The following PACS1 variants were observed in gnomAD, a reference collection of about 807,000 sequenced individuals.
PACS1 encodes the protein PACS-1.
PACS1 carries 24 observed loss-of-function variants against 115.0 expected under a neutral mutation model. The observed-to-expected ratio is 0.21, with a 90% CI of 0.15 to 0.29. The LOEUF (loss-of-function observed/expected upper bound fraction) is 0.29. Ranked by LOEUF, PACS1 falls within the 10% of genes least tolerant of loss-of-function variation. The pLI, the probability that PACS1 is intolerant of heterozygous loss-of-function variation, is 1.00. For missense variants in PACS1, 838 were observed against 1,251.2 expected, an observed-to-expected ratio of 0.67 and a Z score of 4.98; for synonymous variants, 453 against 504.5, an observed-to-expected ratio of 0.90 and a Z score of 1.37.
intron 1 of PACS1, among the ~76,000 whole-genome samples, chr11:66,083,633 TA>T (rs1400776200): frequency 6.6e-6 from 1 of 152,222 alleles, no homozygotes; most frequent in Non-Finnish European, 1.5e-5. Context: ...GCCACACTGA[TA>T]AATGAATGCC....
chr11:66,181,159 T>C (rs1356679624), intron 1 of PACS1, among the ~76,000 whole-genome samples: 2 of 151,860 alleles, frequency 1.3e-5, no homozygotes, highest in Non-Finnish European at 2.9e-5. Flanking sequence ...TTTTAAATTA[T>C]GTTAAGGAAG....
At chr11:66,093,547 A>G (rs1343839907) in intron 1 of PACS1, among the ~76,000 whole-genome samples, 1 of 144,762 alleles carries the variant, frequency 6.9e-6, no homozygotes, top group African/African-American at 2.6e-5. Context: ...TTCATAAAGC[A>G]AGTCCTGAGT....
intron 2 of PACS1, among the ~76,000 whole-genome samples, chr11:66,204,785 A>G (rs1174007066): frequency 1.3e-5 from 2 of 152,120 alleles, no homozygotes; most frequent in Admixed American, 6.5e-5. Flanking sequence ...TGGTTACCAC[A>G]GGCTCATATG....
At chr11:66,218,999 A>G (rs1292471864) in intron 7 of PACS1, among the ~76,000 whole-genome samples, 1 of 152,104 alleles carries the variant, frequency 6.6e-6, no homozygotes, top group Non-Finnish European at 1.5e-5. Context: ...GGCTTCGGAC[A>G]CGTACAGGCC....
At chr11:66,191,458 A>C (rs1282131826) in intron 1 of PACS1, among the ~76,000 whole-genome samples, 1 of 152,150 alleles carries the variant, frequency 6.6e-6, no homozygotes, top group Non-Finnish European at 1.5e-5. Context: ...GGTCCACCAC[A>C]AAGAGATTAG....
chr11:66,071,512 CTCTG>C (rs1020125397), intron 1 of PACS1, among the ~76,000 whole-genome samples: 3 of 152,226 alleles, frequency 2.0e-5, no homozygotes, highest in African/African-American at 7.2e-5. Context: ...ATCCATTGCT[CTCTG>C]TCTGTTGGAA....
At chr11:66,127,898 G>A (rs1858616538) in intron 1 of PACS1, among the ~76,000 whole-genome samples, 1 of 152,228 alleles carries the variant, frequency 6.6e-6, no homozygotes, top group African/African-American at 2.4e-5. Context: ...CTGTGAAGCA[G>A]CCTTGCTGCT....
At chr11:66,216,945 G>A in intron 7 of PACS1, 170 bp downstream of exon 7, 1 of 603,990 alleles carries the variant, frequency 1.7e-6, no homozygotes, top group East Asian at 3.0e-5. Context: ...TAGACTCACT[G>A]TTGTTGGGAA....
intron 1 of PACS1, among the ~76,000 whole-genome samples, chr11:66,130,101 G>A (rs759575243): frequency 2.6e-5 from 4 of 152,188 alleles, no homozygotes; most frequent in African/African-American, 4.8e-5. Context: ...GGTTTTGGGT[G>A]CATGAGGATG....
chr11:66,217,723 A>C, intron 7 of PACS1: 1 of 418,318 alleles, frequency 2.4e-6, no homozygotes, highest in South Asian at 1.8e-5. Context: ...TGGTGCTCCA[A>C]ATGGTCCCCA....
intron 11 of PACS1, among the ~76,000 whole-genome samples, chr11:66,228,875 G>A (rs1017747135): frequency 6.6e-6 from 1 of 152,126 alleles, no homozygotes; most frequent in Non-Finnish European, 1.5e-5. Flanking sequence ...TTACTTTATA[G>A]AAGTTATGCC....
intron 1 of PACS1, among the ~76,000 whole-genome samples, chr11:66,112,465 C>T (rs759885704): frequency 5.9e-5 from 9 of 152,220 alleles, no homozygotes; most frequent in African/African-American, 9.6e-5. Flanking sequence ...TCCCTCGCTG[C>T]GCAGTTAGTC....
chr11:66,205,410 G>GTAACAT (rs1161355091), intron 2 of PACS1, among the ~76,000 whole-genome samples: 8 of 151,954 alleles, frequency 5.3e-5, no homozygotes, highest in African/African-American at 1.9e-4. Context: ...AAGTATAATT[G>GTAACAT]GAATATTTGT....
In PACS1 at chr11:66,236,100, G is replaced by A. The variant is rs1173708083; in HGVS notation, c.2250+160G>A. Reference sequence around the variant, plus strand: ...CTGGCAGTGTCTGGAGACGTGTTTGGTTGTTATACGGGGGGTACCCAGTGG... The same window carrying A: ...CTGGCAGTGTCTGGAGACGTGTTTGATTGTTATACGGGGGGTACCCAGTGG... On this transcript the variant is annotated intron_variant, in intron 19 of 23. Transcript: ENST00000320580. The surrounding 1 kb of genome is among the most constrained non-coding windows in gnomAD (Gnocchi z 4.2). Among the ~76,000 whole-genome samples, 1 of 152,144 alleles carries A rather than the reference G, an allele frequency of 6.6e-6. No individual in the cohort carries two copies. The highest frequency in any genetic ancestry group is 2.4e-5 in the African/African-American group (1 of 41,432).
intron 16 of PACS1, 88 bp from the exon 17 acceptor site, chr11:66,234,034 GGGACAGTCAA>G (rs1201538616): frequency 1.9e-6 from 3 of 1,565,796 alleles, no homozygotes; most frequent in Non-Finnish European, 2.6e-6. Flanking sequence ...GGCCTAGGAA[GGGACAGTCAA>G]GGAGACCAAG....
At chr11:66,210,176 A>G (rs1436011215) in intron 2 of PACS1, among the ~76,000 whole-genome samples, 186 bp from the exon 3 acceptor site, 2 of 151,912 alleles carry the variant, frequency 1.3e-5, no homozygotes, top group Non-Finnish European at 2.9e-5. Flanking sequence ...GACTACAGGC[A>G]TGTGTACCAC....
In PACS1 at chr11:66,168,212, T is replaced by C. The variant is rs190199290; in HGVS notation, c.357-25274T>C. 1.7e-4 allele frequency among the ~76,000 whole-genome samples: 25 copies of C among 150,642 alleles called. 2 individuals are homozygous for C. The highest frequency in any genetic ancestry group is 1.4e-3 in the Admixed American group (22 of 15,248). The stretch of plus-strand genomic sequence containing the variant: ...CCACCATGCCTGGCCTGCTCCTCCT[T>C]ATAAATTTTAGAATTAGCATCTGTG... On this transcript the variant is annotated intron_variant, in intron 1 of 23. Coordinates refer to ENST00000320580, the MANE Select transcript of PACS1 (RefSeq NM_018026.4).
chr11:66,156,204 T>TTTTA (rs1273222877), intron 1 of PACS1, among the ~76,000 whole-genome samples: 8 of 85,062 alleles, frequency 9.4e-5, no homozygotes, highest in African/African-American at 2.9e-4. Context: ...ATTTTTTAAA[T>TTTTA]TATATATATA....
chr11:66,152,064 C>T (rs914672897), intron 1 of PACS1, among the ~76,000 whole-genome samples: 2 of 152,076 alleles, frequency 1.3e-5, no homozygotes, highest in African/African-American at 4.8e-5. Context: ...GAGACCCCAC[C>T]TCTACAAAGC....
Sources: gnomAD v4.1 joint callset for allele counts (sites outside exome capture counted in the v4.1 genomes callset) on GRCh38, gnomAD v4.1.1 for gene constraint, Gnocchi (gnomAD v3.1) non-coding constraint, MANE v1.5 for transcripts, NCBI Gene and HGNC (gene_info 2026-07-23, HGNC 2026-07-21) for gene names.